Variants in USP14 observed in about 807,000 individuals in gnomAD.
USP14 encodes ubiquitin specific peptidase 14, also known as ubiquitin carboxyl-terminal hydrolase 14.
In USP14, 38 loss-of-function variants were observed where a neutral mutation model predicts 76.5. The observed-to-expected ratio is 0.50, with a 90% CI of 0.38 to 0.65. The LOEUF is 0.65. Among genes scored for constraint, USP14 ranks in the 30% least tolerant of loss-of-function variants. The pLI is 0.00. For missense variants in USP14, 467 were observed against 586.5 expected (o/e 0.80, Z 2.10); for synonymous variants, 192 against 191.7 (o/e 1.00, Z -0.01).
At chr18:163,504 G>C (rs1195813583) in intron 2 of USP14, 51 bp downstream of exon 2, 1 of 1,541,236 alleles carries the variant, frequency 6.5e-7, no homozygotes, top group African/African-American at 1.4e-5. Flanking sequence ...TATACTTTTT[G>C]AAAAATAACG....
chr18:174,299 T>G (rs1324348032), intron 3 of USP14, among the ~76,000 whole-genome samples: 1 of 149,038 alleles, frequency 6.7e-6, no homozygotes, highest in Non-Finnish European at 1.5e-5. Context: ...ACAGTCTTGC[T>G]CTGACGCCCA....
chr18:163,186 G>A (rs1023703656), intron 1 of USP14, 122 bp from the exon 2 acceptor site: 7 of 849,148 alleles, frequency 8.2e-6, no homozygotes, highest in African/African-American at 5.2e-5. Flanking sequence ...TAAGTGTTAT[G>A]GGCATAGAAA....
chr18:171,023 AAAATATATAT>A (rs1175837534), intron 3 of USP14, among the ~76,000 whole-genome samples: 620 of 46,792 alleles, frequency 0.013, 8 homozygotes, highest in African/African-American at 0.045. Context: ...AAAAAAAAAA[AAAATATATAT>A]ATATATATAT....
In USP14 at chr18:204,646, A is replaced by G. The variant is rs186617945; in HGVS notation, c.1118A>G (p.Lys373Arg). ...GAGAAAATGGTGTCTTTTCGATCCA[A>G]ATTCAAGGATCTAGAAGATAAAAAA... The part of the protein sequence containing the change: ...LQEKMVSFRS[K>R]FKDLEDKKVN... Residue 373 changes from lysine to arginine, a missense_variant, in exon 13 of 16, where the codon AAA becomes AGA. By Grantham distance (26) the Lys-to-Arg change is conservative (BLOSUM62 2). Transcript: ENST00000261601. The G allele has an allele frequency of 1.4e-4, 224 of 1,613,432 alleles. 2 individuals carry two copies. In the Admixed American group the frequency reaches 3.5e-3, roughly 25 times the overall value.
Position 163,364 on chromosome 18 carries a change from C to T in USP14, c.73C>T (p.Pro25Ser), listed in dbSNP as rs1310038688. The change falls in exon 2 of 16, where the codon CCT (proline) becomes TCT (serine). Residue 25 changes from proline to serine, a missense_variant. By Grantham distance (74) the Pro-to-Ser change is moderately conservative. Transcript: ENST00000261601. ...FEGVELNTDE[P>S]PMVFKAQLFA... ...AGGTGTAGAATTGAATACAGATGAA[C>T]CTCCAATGGTATTCAAGGCTCAGCT... 10 of 1,613,838 alleles carry T rather than the reference C, an allele frequency of 6.2e-6. No individual in the cohort carries two copies. The highest frequency in any genetic ancestry group is 5.3e-5 in the African/African-American group (4 of 74,882).
intron 5 of USP14, among the ~76,000 whole-genome samples, chr18:185,818 C>T (rs538414092): frequency 5.9e-5 from 9 of 151,698 alleles, no homozygotes; most frequent in African/African-American, 1.7e-4. Flanking sequence ...CTTGGCTTCC[C>T]GAGCAGCTGG....
At chr18:183,362 CTG>C (rs1403280494) in intron 5 of USP14, among the ~76,000 whole-genome samples, 1 of 150,622 alleles carries the variant, frequency 6.6e-6, no homozygotes, top group Non-Finnish European at 1.5e-5. Context: ...GAATGTGAGA[CTG>C]TGGGTTTTAT....
chr18:170,181 G>A (rs1226896483), intron 3 of USP14, among the ~76,000 whole-genome samples: 1 of 152,130 alleles, frequency 6.6e-6, no homozygotes, highest in Non-Finnish European at 1.5e-5. Context: ...GCACATGCCT[G>A]TAATCCCAGC....
In USP14 at chr18:199,238, C is replaced by G. The variant is rs765737827; in HGVS notation, c.798C>G (p.Thr266=). ...KCTESEEEEV[T]KGKENQLQLS... is the part of the protein sequence containing the mutation. ...CAGAATCTGAAGAAGAAGAAGTCAC[C>G]AAAGGAAAGGAAAATCAACTTCAGC... Residue 266 remains threonine (T), a synonymous_variant, in exon 10 of 16, where the codon ACC becomes ACG. Coordinates refer to ENST00000261601, the MANE Select transcript of USP14 (RefSeq NM_005151.4). 2.4e-5 allele frequency: 38 copies of G among 1,613,594 alleles called. No homozygotes were observed. Among genetic ancestry groups the G allele is most frequent in the Non-Finnish European group, 3.1e-5 (37 of 1,179,836 alleles).
intron 3 of USP14, among the ~76,000 whole-genome samples, chr18:167,988 A>G (rs950768853): frequency 3.7e-5 from 5 of 136,168 alleles, no homozygotes; most frequent in African/African-American, 1.4e-4. Context: ...CCCAGGCTAG[A>G]GTGCAATGGC....
At chr18:163,817 GTTTT>G (rs68144137) in intron 2 of USP14, among the ~76,000 whole-genome samples, 2 of 144,166 alleles carry the variant, frequency 1.4e-5, no homozygotes, top group Middle Eastern at 3.6e-3. Context: ...CCGATAGGTA[GTTTT>G]TTTTTTTTTT....
Position 158,599 on chromosome 18 carries a change from T to C in USP14, c.-100T>C. 1.5e-6 allele frequency: 2 copies of C among 1,338,390 alleles called. No homozygotes were observed. The highest frequency in any genetic ancestry group is 1.5e-5 in the African/African-American group (1 of 65,242). 82.9% of individuals were successfully genotyped at this position (1,338,390 alleles called of 1,614,324 possible). On this transcript the variant is annotated 5_prime_UTR_variant, in exon 1 of 16. Coordinates refer to ENST00000261601, the MANE Select transcript of USP14 (RefSeq NM_005151.4). ...CCGAAGCCGCCGCCACCACCGCGCC[T>C]CCGCCTCGGCCGCCGCCGCAGCTGC... is the stretch of plus-strand genomic sequence containing the variant.
chr18:180,415 G>A (rs1909755266), intron 5 of USP14, 76 bp downstream of exon 5: 3 of 844,664 alleles, frequency 3.6e-6, no homozygotes, highest in African/African-American at 1.8e-5. Context: ...GCTTTCTTTA[G>A]CATCTTAATT....
chr18:214,107 A>G lies in USP14; in HGVS notation c.*2823A>G. On this transcript the variant is annotated 3_prime_UTR_variant, in exon 16 of 16. Coordinates refer to ENST00000261601, the MANE Select transcript of USP14 (RefSeq NM_005151.4). Reference sequence around the variant, plus strand: ...TTATAGTGTAGCTGGAGCCATAGACAGTTAGTTAGTTAGTTATGAGTGAGC... The same window carrying G: ...TTATAGTGTAGCTGGAGCCATAGACGGTTAGTTAGTTAGTTATGAGTGAGC... 9.4e-6 allele frequency: 1 copy of G among 105,958 alleles called. No individual in the cohort carries two copies. The highest frequency in any genetic ancestry group is 3.0e-5 in the African/African-American group (1 of 33,536). The allele number at this position is 105,958 out of a possible 1,614,324, so 6.6% of individuals were successfully genotyped here.
intron 3 of USP14, among the ~76,000 whole-genome samples, chr18:168,508 C>T (rs1909343804): frequency 6.6e-6 from 1 of 152,032 alleles, no homozygotes; most frequent in South Asian, 2.1e-4. Context: ...GATCTTGGCT[C>T]ACTGCATTAT....
chr18:160,373 T>A (rs994022889), intron 1 of USP14, among the ~76,000 whole-genome samples: 1 of 152,092 alleles, frequency 6.6e-6, no homozygotes, highest in Non-Finnish European at 1.5e-5. Flanking sequence ...AGTTAAAAAT[T>A]AAAGCCAGGG....
chr18:211,515 A>T lies in USP14; in HGVS notation c.*231A>T, dbSNP rs1287460381. Reference sequence around the variant, plus strand: ...ATAAAGGTGGCAGAAAGACATTTTTAAAAAGCTTATTATTTCTTGCATTAT... The same window carrying T: ...ATAAAGGTGGCAGAAAGACATTTTTTAAAAGCTTATTATTTCTTGCATTAT... On this transcript the variant is annotated 3_prime_UTR_variant, in exon 16 of 16. Coordinates refer to ENST00000261601, the MANE Select transcript of USP14 (RefSeq NM_005151.4). 1.1e-5 allele frequency: 4 copies of T among 373,130 alleles called. No individual in the cohort carries two copies. Among genetic ancestry groups the T allele is most frequent in the African/African-American group, 4.2e-5 (2 of 48,168 alleles). The allele number at this position is 373,130 out of a possible 1,614,324, so 23.1% of individuals were successfully genotyped here.
At chr18:158,757 G>C (rs1032117025) in intron 1 of USP14, 43 bp downstream of exon 1, 4 of 1,452,810 alleles carry the variant, frequency 2.8e-6, no homozygotes, top group African/African-American at 3.0e-5. Flanking sequence ...CCGGACCGGC[G>C]CTAGGCCTCC....
intron 5 of USP14, among the ~76,000 whole-genome samples, chr18:185,348 G>A (rs1341547281): frequency 2.0e-5 from 3 of 152,094 alleles, no homozygotes; most frequent in East Asian, 1.9e-4. Context: ...TAGTAGAGAC[G>A]GGTTTTGCTA....
Sources: allele counts gnomAD v4.1 joint callset (sites outside exome capture counted in the v4.1 genomes callset), GRCh38; gene constraint gnomAD v4.1.1; transcripts MANE v1.5; gene names NCBI Gene and HGNC (gene_info 2026-07-23, HGNC 2026-07-21).